TRDN: variants seen among roughly 807,000 people sequenced by gnomAD.
TRDN encodes triadin, also known as triadin in skeletal muscle.
A neutral mutation model predicts 149.7 loss-of-function variants in TRDN; 161 were observed. The observed-to-expected ratio is 1.08, with a 90% confidence interval of 0.95 to 1.23. The LOEUF is 1.23. Ranked by LOEUF, TRDN falls within the 50% of genes most tolerant of loss-of-function variation. The pLI is 0.00. For missense variants in TRDN, 896 were observed against 823.5 expected, an observed-to-expected ratio of 1.09 and a Z score of -1.08; for synonymous variants, 294 against 250.5, an observed-to-expected ratio of 1.17 and a Z score of -1.64.
At chr6:123,305,468 G>A (rs1389173619) in intron 24 of TRDN, among the ~76,000 whole-genome samples, 2 of 152,092 alleles carry the variant, frequency 1.3e-5, no homozygotes, top group African/African-American at 4.8e-5. Context: ...CATAAAAGTG[G>A]TAAAATGAGA....
intron 1 of TRDN, among the ~76,000 whole-genome samples, chr6:123,629,143 T>C (rs950378167): frequency 6.6e-6 from 1 of 152,146 alleles, no homozygotes; most frequent in Non-Finnish European, 1.5e-5. Flanking sequence ...ATATCTCTTA[T>C]TTTTGTCTTG....
chr6:123,269,512 C>T (rs1777130340), intron 31 of TRDN, among the ~76,000 whole-genome samples: 1 of 151,762 alleles, frequency 6.6e-6, no homozygotes, highest in South Asian at 2.1e-4. Flanking sequence ...TATTTTATAG[C>T]CTATATGGAT....
intron 12 of TRDN, among the ~76,000 whole-genome samples, chr6:123,420,314 G>T (rs369780566): frequency 1.3e-5 from 2 of 152,038 alleles, no homozygotes; most frequent in African/African-American, 4.8e-5. Flanking sequence ...GTAAAAGATG[G>T]CAGCTGAAAT....
intron 10 of TRDN, among the ~76,000 whole-genome samples, chr6:123,456,524 A>G (rs62419056): frequency 0.17 from 25,597 of 151,780 alleles, 2,302 homozygotes; most frequent in South Asian, 0.28. Context: ...GCTAGAGTGC[A>G]GTCGTGGGAT....
chr6:123,319,222 C>T (rs980258976), intron 23 of TRDN, among the ~76,000 whole-genome samples: 3 of 148,400 alleles, frequency 2.0e-5, no homozygotes, highest in Admixed American at 6.8e-5. Flanking sequence ...GTAATTTTCT[C>T]TTTTTTTTTT....
At chr6:123,280,408 T>C (rs1314805754) in intron 24 of TRDN, among the ~76,000 whole-genome samples, 1 of 152,176 alleles carries the variant, frequency 6.6e-6, no homozygotes, top group Non-Finnish European at 1.5e-5. Context: ...TGTTTGCTAT[T>C]CTGGATCTTT....
In TRDN at chr6:123,512,261, T is replaced by A. The variant is rs79920476; in HGVS notation, c.610+42A>T. 6.8e-4 allele frequency: 799 copies of A among 1,172,346 alleles called. 9 individuals carry two copies. The East Asian group carries it at 0.019, about 28-fold the overall frequency. The allele number at this position is 1,172,346 out of a possible 1,614,324, so 72.6% of individuals were successfully genotyped here. ...TTACCCAAAAATTAATCTTTCAGAG[T>A]AAAAAGAATTTAGTTATGGAAATAA... On this transcript the variant is annotated intron_variant, in intron 7 of 40. Transcript: ENST00000334268.
chr6:123,259,927 T>G (rs986439370), intron 34 of TRDN, among the ~76,000 whole-genome samples: 4 of 151,744 alleles, frequency 2.6e-5, no homozygotes, highest in African/African-American at 7.3e-5. Flanking sequence ...CTCCTACTTC[T>G]TTTTTTCCTC....
chr6:123,497,195 G>T lies in TRDN; in HGVS notation c.851C>A (p.Pro284Gln). The T allele has an allele frequency of 6.5e-7, 1 of 1,548,222 alleles. No homozygotes were observed. The highest frequency in any genetic ancestry group is 8.7e-7 in the Non-Finnish European group (1 of 1,148,108). ...IDIFVHGDLKPGQSPAIPPPL... is the reference protein window; with the variant it reads ...IDIFVHGDLKQGQSPAIPPPL... ...AGTACAAGAATTGCTTGGAATACCT[G>T]GTTTTAAATCCCCATGGACAAATAT... Residue 284 changes from proline to glutamine, a missense_variant and splice_region_variant, in exon 9 of 41, where the codon CCA becomes CAA. Physicochemically the swap from Pro to Gln is moderately conservative, Grantham distance 76 (BLOSUM62 -1). Coordinates refer to ENST00000334268, the MANE Select transcript of TRDN (RefSeq NM_006073.4).
At chr6:123,378,451 G>A (rs1350096927) in intron 16 of TRDN, among the ~76,000 whole-genome samples, 2 of 122,430 alleles carry the variant, frequency 1.6e-5, no homozygotes, top group Non-Finnish European at 3.3e-5. Context: ...AGCCAGATTT[G>A]TAGTGTGTGT....
intron 9 of TRDN, among the ~76,000 whole-genome samples, chr6:123,477,484 T>C (rs1313966583): frequency 5.4e-5 from 8 of 148,294 alleles, no homozygotes; most frequent in Non-Finnish European, 1.2e-4. Context: ...AGTTCAACCA[T>C]TGTGGAAGTC....
intron 19 of TRDN, among the ~76,000 whole-genome samples, chr6:123,369,431 A>G (rs1417885948): frequency 6.6e-6 from 1 of 152,080 alleles, no homozygotes; most frequent in Non-Finnish European, 1.5e-5. Flanking sequence ...CACCAAATGT[A>G]CTTTATGCCT....
At chr6:123,232,208 GA>G (rs10715254) in intron 38 of TRDN, among the ~76,000 whole-genome samples, 72,031 of 148,686 alleles carry the variant, frequency 0.48, 17,394 homozygotes, top group Admixed American at 0.57. Context: ...CAAATAGACT[GA>G]AAAAAAAAAA....
rs1418472166 is a variant in TRDN, at chr6:123,279,051, C to T, written c.1537+5G>A. The T allele has an allele frequency of 3.1e-6, 5 of 1,608,064 alleles. No individual in the cohort carries two copies. Among genetic ancestry groups the T allele is most frequent in the East Asian group, 2.2e-5 (1 of 44,548 alleles). On this transcript the variant is annotated splice_donor_5th_base_variant and intron_variant, in intron 25 of 40. Transcript: ENST00000334268. ...GTTTGTTTATTGAGCATGCATATAA[C>T]ATACGTGGAGGTTTAGGCTTGACTT...
At chr6:123,506,127 T>A (rs1778910901) in intron 7 of TRDN, among the ~76,000 whole-genome samples, 1 of 152,170 alleles carries the variant, frequency 6.6e-6, no homozygotes, top group South Asian at 2.1e-4. Context: ...AAAGAAAGTT[T>A]CACTGGAGTG....
At chr6:123,595,114 G>GTTTC (rs1414012731) in intron 1 of TRDN, among the ~76,000 whole-genome samples, 2 of 151,998 alleles carry the variant, frequency 1.3e-5, no homozygotes, top group Non-Finnish European at 2.9e-5. Context: ...ATTTCCTGGT[G>GTTTC]TCCTGCAAAT....
At chr6:123,250,794 C>T (rs948355379) in intron 38 of TRDN, among the ~76,000 whole-genome samples, 4 of 152,014 alleles carry the variant, frequency 2.6e-5, no homozygotes, top group Non-Finnish European at 5.9e-5. Flanking sequence ...CTTTTTACTT[C>T]CTTCTAGGAG....
chr6:123,493,500 T>C (rs1010263897), intron 9 of TRDN, among the ~76,000 whole-genome samples: 4 of 152,196 alleles, frequency 2.6e-5, no homozygotes, highest in African/African-American at 7.2e-5. Context: ...TATGTCATAG[T>C]GTCAGCACAT....
chr6:123,514,947 G>A (rs1288738830), intron 6 of TRDN, among the ~76,000 whole-genome samples: 2 of 151,916 alleles, frequency 1.3e-5, no homozygotes, highest in Non-Finnish European at 2.9e-5. Flanking sequence ...GGCAAGGGGA[G>A]GGAGAGCATT....
Sources: allele counts gnomAD v4.1 joint callset (sites outside exome capture counted in the v4.1 genomes callset), GRCh38; gene constraint gnomAD v4.1.1; transcripts MANE v1.5; gene names NCBI Gene and HGNC (gene_info 2026-07-23, HGNC 2026-07-21).